Variants in PIK3R1 observed in about 807,000 individuals in gnomAD.
PIK3R1 encodes the protein phosphatidylinositol 3-kinase regulatory subunit alpha.
Under a neutral mutation model 98.0 loss-of-function variants are expected in PIK3R1, and 29 were observed. The ratio of observed to expected loss-of-function variants is 0.30; its 90% CI spans 0.22 to 0.40. The LOEUF (loss-of-function observed/expected upper bound fraction) is 0.40. Ranked by LOEUF, PIK3R1 falls within the 10% of genes least tolerant of loss-of-function variation. PIK3R1 has a pLI of 1.00. For missense variants in PIK3R1, 596 were observed against 872.7 expected, an observed-to-expected ratio of 0.68 and a Z score of 3.99; for synonymous variants, 282 against 311.8, an observed-to-expected ratio of 0.90 and a Z score of 1.01.
chr5:68,295,225 T>C lies in PIK3R1; in HGVS notation c.1646T>C (p.Leu549Ser). ...IDSRRRLEED[L>S]KKQAAEYREI... ...AGTAGAAGAAGATTGGAAGAAGACT[T>C]GAAGAAGCAGGCAGCTGAGTATCGA... The change falls in exon 13 of 16, where the codon TTG becomes TCG. Residue 549 changes from leucine (L) to serine (S), a missense_variant. Physicochemically the swap from Leu to Ser is moderately radical, Grantham distance 145. Around this residue, in one of 3 missense-constraint regions of PIK3R1, gnomAD observed 207 missense variants for 361.4 expected, o/e 0.57. Coordinates refer to ENST00000521381, the MANE Select transcript of PIK3R1 (RefSeq NM_181523.3). The C allele has an allele frequency of 1.2e-6, 2 of 1,614,024 alleles. No individual in the cohort carries two copies. The highest frequency in any genetic ancestry group is 1.7e-6 in the Non-Finnish European group (2 of 1,179,902).
intron 2 of PIK3R1, among the ~76,000 whole-genome samples, chr5:68,257,913 T>C (rs1005364109): frequency 2.0e-5 from 3 of 152,258 alleles, no homozygotes; most frequent in Non-Finnish European, 4.4e-5. Flanking sequence ...TGGGAACTGC[T>C]TGCCACTTCC....
chr5:68,246,718 G>T (rs978921767), intron 2 of PIK3R1, among the ~76,000 whole-genome samples: 2 of 152,202 alleles, frequency 1.3e-5, no homozygotes, highest in Non-Finnish European at 2.9e-5. Flanking sequence ...CCGCCTCCTG[G>T]GTTCACGCCA....
At chr5:68,227,110 C>A in intron 2 of PIK3R1, 101 bp downstream of exon 2, 2 of 992,562 alleles carry the variant, frequency 2.0e-6, no homozygotes, top group Admixed American at 5.5e-5. Context: ...GCAGAAGTTA[C>A]CTTGGCAACT....
At chr5:68,271,560 G>A (rs1440797133) in intron 2 of PIK3R1, among the ~76,000 whole-genome samples, 1 of 148,396 alleles carries the variant, frequency 6.7e-6, no homozygotes, top group Admixed American at 6.6e-5. Context: ...GCCACCTATG[G>A]TTGTTTCCAT....
intron 10 of PIK3R1, 47 bp downstream of exon 10, chr5:68,293,530 T>A (rs1561297864): frequency 6.9e-7 from 1 of 1,453,434 alleles, no homozygotes; most frequent in South Asian, 1.2e-5. Flanking sequence ...TTAGACAAGA[T>A]CCTTTTAATA....
At chr5:68,292,456 A>G (rs749512168) in intron 8 of PIK3R1, 95 bp downstream of exon 8, 3 of 1,431,152 alleles carry the variant, frequency 2.1e-6, no homozygotes, top group South Asian at 1.2e-5. Flanking sequence ...ATCATCCAAC[A>G]TAAGCATGAA....
In PIK3R1 at chr5:68,227,030, G is replaced by A. The variant is rs572043169; in HGVS notation, c.334+21G>A. 1.1e-4 allele frequency: 175 copies of A among 1,558,468 alleles called. 2 individuals are homozygous for A. In the South Asian group the frequency reaches 2.0e-3, roughly 17 times the overall value. On this transcript the variant is annotated intron_variant, in intron 2 of 15. Coordinates refer to ENST00000521381, the MANE Select transcript of PIK3R1 (RefSeq NM_181523.3). The stretch of plus-strand genomic sequence containing the variant: ...ACAAGGTCAGTATTGATAAGTGGTT[G>A]CTTAATGACTCCCTTTCTTTTTCTT...
At chr5:68,217,279 T>G (rs1454989247) in intron 1 of PIK3R1, among the ~76,000 whole-genome samples, 1 of 152,192 alleles carries the variant, frequency 6.6e-6, no homozygotes, top group Non-Finnish European at 1.5e-5. Context: ...TAATGCTTCA[T>G]TAGTTCTGTT....
intron 2 of PIK3R1, among the ~76,000 whole-genome samples, chr5:68,246,863 A>G (rs1745114114): frequency 6.6e-6 from 1 of 151,566 alleles, no homozygotes; most frequent in African/African-American, 2.4e-5. Context: ...AATAACAAAT[A>G]TTTTGGTTTT....
chr5:68,227,924 A>G (rs1744341993), intron 2 of PIK3R1, among the ~76,000 whole-genome samples: 2 of 152,276 alleles, frequency 1.3e-5, no homozygotes, highest in South Asian at 4.1e-4. Flanking sequence ...CGCTTCAGGC[A>G]CAGCTGTGTC....
intron 2 of PIK3R1, among the ~76,000 whole-genome samples, chr5:68,247,399 G>T (rs973338022): frequency 6.6e-6 from 1 of 151,948 alleles, no homozygotes; most frequent in African/African-American, 2.4e-5. Context: ...CCTGTGCTCA[G>T]TTGATCCTCC....
chr5:68,264,538 G>A lies in PIK3R1; in HGVS notation c.335-8852G>A, dbSNP rs1005650784. On this transcript the variant is annotated intron_variant, in intron 2 of 15. Transcript: ENST00000521381. Reference sequence around the variant, plus strand: ...GGGGACAGTGATAATTTCTTAGAGCGTTGTACAGATTAAATGAGATTAAAC... The same window carrying A: ...GGGGACAGTGATAATTTCTTAGAGCATTGTACAGATTAAATGAGATTAAAC... 3.9e-5 allele frequency among the ~76,000 whole-genome samples: 6 copies of A among 152,282 alleles called. No individual in the cohort carries two copies. In the South Asian group the frequency reaches 6.2e-4, roughly 16 times the overall value.
intron 7 of PIK3R1, among the ~76,000 whole-genome samples, chr5:68,282,732 G>A (rs902003235): frequency 1.3e-5 from 2 of 152,254 alleles, no homozygotes; most frequent in African/African-American, 4.8e-5. Flanking sequence ...TGAGCAATTG[G>A]TGCGCCTGTT....
chr5:68,251,156 C>T (rs1745292077), intron 2 of PIK3R1, among the ~76,000 whole-genome samples: 1 of 152,160 alleles, frequency 6.6e-6, no homozygotes, highest in African/African-American at 2.4e-5. Context: ...AGAGATTCTT[C>T]AAGGTGGAGG....
chr5:68,222,885 T>G (rs1482140192), intron 1 of PIK3R1, among the ~76,000 whole-genome samples: 4 of 152,166 alleles, frequency 2.6e-5, no homozygotes, highest in Admixed American at 2.6e-4. Context: ...CTAGACTGCC[T>G]GGATCTGAAT....
intron 7 of PIK3R1, among the ~76,000 whole-genome samples, chr5:68,281,257 C>T (rs1012559397): frequency 2.6e-5 from 4 of 151,980 alleles, no homozygotes; most frequent in African/African-American, 9.7e-5. Context: ...TTCCCTGTAC[C>T]CTTCAACATT....
At chr5:68,274,223 G>A (rs186712749) in intron 4 of PIK3R1, among the ~76,000 whole-genome samples, 104 of 152,206 alleles carry the variant, frequency 6.8e-4, no homozygotes, top group Middle Eastern at 3.4e-3. Flanking sequence ...GTGTGTGCAC[G>A]CCTCCCTGCA....
At chr5:68,262,621 A>G (rs1745834632) in intron 2 of PIK3R1, among the ~76,000 whole-genome samples, 1 of 144,764 alleles carries the variant, frequency 6.9e-6, no homozygotes, top group South Asian at 2.1e-4. Flanking sequence ...ATACACATGT[A>G]GATGCATGTA....
chr5:68,271,667 C>T (rs1369397640), intron 2 of PIK3R1, among the ~76,000 whole-genome samples: 1 of 152,202 alleles, frequency 6.6e-6, no homozygotes, highest in African/African-American at 2.4e-5. Flanking sequence ...TCAGAGAGCA[C>T]AGCTGTAGAA....
Sources: allele counts gnomAD v4.1 joint callset (sites outside exome capture counted in the v4.1 genomes callset), GRCh38; gene constraint gnomAD v4.1.1; regional missense constraint gnomAD v4.1.1; transcripts MANE v1.5; gene names NCBI Gene and HGNC (gene_info 2026-07-23, HGNC 2026-07-21).